Variants in DAZAP1 observed in about 807,000 individuals in gnomAD.
DAZAP1 encodes DAZ associated protein 1.
DAZAP1 carries 6 observed loss-of-function variants against 60.1 expected under a neutral mutation model. The observed-to-expected ratio is 0.10, with a 90% CI of 0.05 to 0.20. The LOEUF is 0.20. Among genes scored for constraint, DAZAP1 ranks in the 10% least tolerant of loss-of-function variants. The pLI is 1.00. For missense variants in DAZAP1, 366 were observed against 560.4 expected, an observed-to-expected ratio of 0.65 and a Z score of 3.50; for synonymous variants, 235 against 215.9, an observed-to-expected ratio of 1.09 and a Z score of -0.78.
In DAZAP1 at chr19:1,433,935, G is replaced by A; in HGVS notation, c.1049-802G>A. 1.0e-6 allele frequency: 1 copy of A among 1,002,848 alleles called. No homozygotes were observed. Among genetic ancestry groups the A allele is most frequent in the Non-Finnish European group, 1.5e-6 (1 of 655,434 alleles). 62.1% of individuals were successfully genotyped at this position (1,002,848 alleles called of 1,614,324 possible). ...GGGTGGACGCTGGCGGTGCCCTCTG[G>A]GAAGGGGCCCTTGCCGGTGCCAAGA... On this transcript the variant is annotated intron_variant, in intron 11 of 11. Transcript: ENST00000233078. This position sits in a 1 kb window ranked among gnomAD's most constrained non-coding sequence, Gnocchi z 6.1.
chr19:1,431,811 G>A (rs966075972), intron 10 of DAZAP1, among the ~76,000 whole-genome samples: 1 of 152,142 alleles, frequency 6.6e-6, no homozygotes, highest in East Asian at 1.9e-4. Context: ...CTCACAGCAC[G>A]CAGCCAGCAG....
rs2083580528 is a variant in DAZAP1 at position 1,435,642 on chromosome 19, T to G, written c.*730T>G. ...TTCAGGGCGTTTCCCATTGACCAGT[T>G]TGACCCTGGTTTGAATAAAGAGAAG... On this transcript the variant is annotated 3_prime_UTR_variant, in exon 12 of 12. Transcript: ENST00000233078. 1 of 152,314 alleles carries G rather than the reference T, an allele frequency of 6.6e-6. No individual in the cohort carries two copies. The highest frequency in any genetic ancestry group is 2.4e-5 in the African/African-American group (1 of 41,484). The allele number at this position is 152,314 out of a possible 1,614,324, so 9.4% of individuals were successfully genotyped here.
intron 4 of DAZAP1, among the ~76,000 whole-genome samples, chr19:1,419,470 G>A (rs2083082701): frequency 1.3e-5 from 2 of 152,178 alleles, no homozygotes; most frequent in African/African-American, 4.8e-5. Flanking sequence ...AGGACCGGAG[G>A]GTGCGTCTCC....
chr19:1,419,434 A>G (rs2083081547), intron 4 of DAZAP1, among the ~76,000 whole-genome samples: 1 of 152,164 alleles, frequency 6.6e-6, no homozygotes, highest in East Asian at 1.9e-4. Context: ...ATTTACATCC[A>G]TCTCTGTCCA....
At position 1,422,533 on chromosome 19, in the gene DAZAP1, T is replaced by C; in HGVS notation, c.463+137T>C. ...AAGGGACGATTTGGAGACAAATGAC[T>C]AAAACGTGGGCTCCTCATGTGCACC... On this transcript the variant is annotated intron_variant, in intron 6 of 11. Transcript: ENST00000233078. The surrounding 1 kb of genome is among the most constrained non-coding windows in gnomAD (Gnocchi z 4.5). The C allele has an allele frequency of 1.4e-6, 1 of 731,826 alleles. No homozygotes were observed. The allele number at this position is 731,826 out of a possible 1,614,324, so 45.3% of individuals were successfully genotyped here. A position where few individuals can be genotyped will look rare whatever the true frequency, so the allele number is the denominator to read the frequency against.
rs889905986 is a variant in DAZAP1, at chr19:1,432,463, G to C, written c.872-51G>C. On this transcript the variant is annotated intron_variant, in intron 10 of 11. Transcript: ENST00000233078. The surrounding 1 kb of genome is among the most constrained non-coding windows in gnomAD (Gnocchi z 4.9). ...CTGGGTGTGGGTCTCCTGCTGGTCT[G>C]CCCCCAGCTGCACAACGTGTCTTGT... The C allele has an allele frequency of 5.0e-6, 8 of 1,593,314 alleles. No homozygotes were observed. In the East Asian group the frequency reaches 6.7e-5, roughly 13 times the overall value.
chr19:1,429,873 T>G, intron 8 of DAZAP1, 94 bp from the exon 9 acceptor site: 1 of 1,500,534 alleles, frequency 6.7e-7, no homozygotes, highest in Non-Finnish European at 9.1e-7. Flanking sequence ...CCGGGGTTGG[T>G]CCCAGCCCTT....
At chr19:1,419,660 A>G (rs1464819822) in intron 4 of DAZAP1, among the ~76,000 whole-genome samples, 1 of 152,090 alleles carries the variant, frequency 6.6e-6, no homozygotes, top group East Asian at 1.9e-4. Context: ...CTGGTTATTA[A>G]TGTCTCTCTA....
rs756308195 is a variant in DAZAP1 at position 1,417,580 on chromosome 19, G to T, written c.70+40G>T. The T allele has an allele frequency of 2.5e-6, 4 of 1,574,032 alleles. No homozygotes were observed. In the South Asian group the frequency reaches 4.6e-5, roughly 18 times the overall value. On this transcript the variant is annotated intron_variant, in intron 2 of 11. Coordinates refer to ENST00000233078, the MANE Select transcript of DAZAP1 (RefSeq NM_018959.4). ...GGTGTCAGGTGGGTACTGCAGATGGGCTCTAGGACCTCGGCCTTCAAGTTG... is the reference window on the plus strand; with the variant it reads ...GGTGTCAGGTGGGTACTGCAGATGGTCTCTAGGACCTCGGCCTTCAAGTTG...
In DAZAP1 at chr19:1,423,641, G is replaced by A. The variant is rs533415130; in HGVS notation, c.463+1245G>A. Among the ~76,000 whole-genome samples, 7 of 152,366 alleles carry A rather than the reference G, an allele frequency of 4.6e-5. No individual in the cohort carries two copies. The highest frequency in any genetic ancestry group is 4.1e-4 in the South Asian group (2 of 4,830). On this transcript the variant is annotated intron_variant, in intron 6 of 11. Transcript: ENST00000233078. The surrounding 1 kb of genome is among the most constrained non-coding windows in gnomAD (Gnocchi z 6.8). ...CTCTTGCACTGTGCCCGGACCAGGC[G>A]AGCCCTGTGGTTTCAGACACTCCTG... is the stretch of plus-strand genomic sequence containing the variant.
intron 4 of DAZAP1, among the ~76,000 whole-genome samples, chr19:1,419,431 T>C (rs2083081429): frequency 6.6e-6 from 1 of 152,218 alleles, no homozygotes; most frequent in Non-Finnish European, 1.5e-5. Context: ...TGTATTTACA[T>C]CCATCTCTGT....
Position 1,430,243 on chromosome 19 carries a change from C to T in DAZAP1, c.752C>T (p.Ala251Val). ...QAIGGYGPPP[A>V]GRGAPPPPPP... ...TCAGGTGGCTATGGACCGCCCCCTG[C>T]AGGAAGAGGAGCCCCCCCGCCACCC... The change falls in exon 10 of 12, where the codon GCA (alanine) becomes GTA (valine). Residue 251 changes from alanine (A) to valine (V), a missense_variant. By Grantham distance (64) the Ala-to-Val change is moderately conservative. Around this residue, in one of 3 missense-constraint regions of DAZAP1, gnomAD observed 240 missense variants for 308.8 expected, o/e 0.78. Coordinates refer to ENST00000233078, the MANE Select transcript of DAZAP1 (RefSeq NM_018959.4). 1 of 1,551,656 alleles carries T rather than the reference C, an allele frequency of 6.4e-7. No homozygotes were observed. Among genetic ancestry groups the T allele is most frequent in the Non-Finnish European group, 8.8e-7 (1 of 1,142,488 alleles).
At chr19:1,414,433 G>T (rs746855485) in intron 1 of DAZAP1, among the ~76,000 whole-genome samples, 2 of 152,140 alleles carry the variant, frequency 1.3e-5, no homozygotes, top group Non-Finnish European at 2.9e-5. Context: ...TCTCTCACAT[G>T]AACACAGCAC....
intron 1 of DAZAP1, chr19:1,417,241 C>T (rs899886593): frequency 3.4e-5 from 18 of 527,990 alleles, no homozygotes; most frequent in East Asian, 2.0e-4. Context: ...ACTCATCGCC[C>T]GCCACGCATG....
rs1179095987 is a variant in DAZAP1 at position 1,434,989 on chromosome 19, C to T, written c.*77C>T. 1.0e-5 allele frequency: 9 copies of T among 869,816 alleles called. No individual in the cohort carries two copies. In the South Asian group the frequency reaches 2.3e-4, roughly 22 times the overall value. 53.9% of individuals were successfully genotyped at this position (869,816 alleles called of 1,614,324 possible). On this transcript the variant is annotated 3_prime_UTR_variant, in exon 12 of 12. Transcript: ENST00000233078. The surrounding 1 kb of genome is among the most constrained non-coding windows in gnomAD (Gnocchi z 8.0). ...GAACTCGTGACAATCACAAACTTGG[C>T]GGCAAAGTGGCGACTCAACCTTGGG...
At position 1,428,759 on chromosome 19, in the gene DAZAP1, A is replaced by G. The variant is rs2144889788; in HGVS notation, c.547-83A>G. ...AAGTTGTAAGATGCTAAGTGTAGTCATAAGTTACCCGAGGGTGTGTCTAAA... is the reference window on the plus strand; with the variant it reads ...AAGTTGTAAGATGCTAAGTGTAGTCGTAAGTTACCCGAGGGTGTGTCTAAA... On this transcript the variant is annotated intron_variant, in intron 7 of 11. Coordinates refer to ENST00000233078, the MANE Select transcript of DAZAP1 (RefSeq NM_018959.4). The surrounding 1 kb of genome is among the most constrained non-coding windows in gnomAD (Gnocchi z 4.0). The G allele has an allele frequency of 6.5e-7, 1 of 1,535,462 alleles. No homozygotes were observed. Among genetic ancestry groups the G allele is most frequent in the Non-Finnish European group, 8.9e-7 (1 of 1,124,656 alleles).
At chr19:1,410,778 C>A (rs1040900575) in intron 1 of DAZAP1, among the ~76,000 whole-genome samples, 1 of 152,180 alleles carries the variant, frequency 6.6e-6, no homozygotes, top group Non-Finnish European at 1.5e-5. Flanking sequence ...AGCACACGGT[C>A]ATGGAACTGG....
Position 1,432,072 on chromosome 19 carries a change from A to G in DAZAP1, c.872-442A>G, listed in dbSNP as rs2083466386. 1.1e-5 allele frequency: 2 copies of G among 176,670 alleles called. No individual in the cohort carries two copies. Among genetic ancestry groups the G allele is most frequent in the African/African-American group, 4.8e-5 (2 of 41,708 alleles). 10.9% of individuals were successfully genotyped at this position (176,670 alleles called of 1,614,324 possible). A position where few individuals can be genotyped will look rare whatever the true frequency, so the allele number is the denominator to read the frequency against. ...TGCCTGATATCCAGCAACAGAGGGC[A>G]AGGGCGGCAGCACCTCCAGCATGAC... On this transcript the variant is annotated intron_variant, in intron 10 of 11. Coordinates refer to ENST00000233078, the MANE Select transcript of DAZAP1 (RefSeq NM_018959.4). The surrounding 1 kb of genome is among the most constrained non-coding windows in gnomAD (Gnocchi z 4.9).
In DAZAP1 at chr19:1,407,760, C is replaced by T; in HGVS notation, c.-14C>T. 3 of 1,083,462 alleles carry T rather than the reference C, an allele frequency of 2.8e-6. No individual in the cohort carries two copies. Among genetic ancestry groups the T allele is most frequent in the Non-Finnish European group, 3.4e-6 (3 of 893,834 alleles). 67.1% of individuals were successfully genotyped at this position (1,083,462 alleles called of 1,614,324 possible). ...GGAGGCCCGGGAGCGCCGAGCGTCG[C>T]CGCCGCCGCCGCCATGAACAACTCG... On this transcript the variant is annotated 5_prime_UTR_variant, in exon 1 of 12. Transcript: ENST00000233078.
Sources: gnomAD v4.1 joint callset for allele counts (sites outside exome capture counted in the v4.1 genomes callset) on GRCh38, gnomAD v4.1.1 for gene constraint, gnomAD v4.1.1 regional missense constraint, Gnocchi (gnomAD v3.1) non-coding constraint, MANE v1.5 for transcripts, NCBI Gene and HGNC (gene_info 2026-07-23, HGNC 2026-07-21) for gene names.